Variants in FHIP1A observed in about 807,000 individuals in gnomAD.
FHIP1A encodes the protein FHF complex subunit HOOK-interacting protein 1A.
Under a neutral mutation model 88.6 loss-of-function variants are expected in FHIP1A, and 61 were observed. That is an observed-to-expected ratio of 0.69 (90% CI 0.56 to 0.85). FHIP1A has a LOEUF of 0.85. Among genes scored for constraint, FHIP1A ranks in the 40% least tolerant of loss-of-function variants. The probability of loss-of-function intolerance (pLI) is 0.00; values close to 1 mark genes in which losing one functional copy is unlikely to be tolerated. For synonymous variants in FHIP1A, 478 were observed against 496.0 expected, an observed-to-expected ratio of 0.96 and a Z score of 0.48; for missense variants, 1,154 against 1,273.5, an observed-to-expected ratio of 0.91 and a Z score of 1.43.
chr4:151,532,037 G>T (rs990899967), intron 3 of FHIP1A, among the ~76,000 whole-genome samples: 4 of 152,202 alleles, frequency 2.6e-5, no homozygotes, highest in African/African-American at 9.6e-5. Context: ...ATGTGGATAC[G>T]TGGCATCGCA....
chr4:151,600,090 C>T (rs1379498038), intron 7 of FHIP1A, among the ~76,000 whole-genome samples: 1 of 152,214 alleles, frequency 6.6e-6, no homozygotes, highest in Non-Finnish European at 1.5e-5. Flanking sequence ...TGTATCATCA[C>T]TGCATCTTGA....
chr4:151,647,366 G>A (rs1736838728), intron 10 of FHIP1A, among the ~76,000 whole-genome samples: 3 of 152,200 alleles, frequency 2.0e-5, no homozygotes, highest in African/African-American at 7.2e-5. Context: ...GGGAGCATCT[G>A]TATATCTTTG....
chr4:151,569,023 C>G, intron 4 of FHIP1A, among the ~76,000 whole-genome samples: 1 of 152,042 alleles, frequency 6.6e-6, no homozygotes. Context: ...TAGCTCTTGG[C>G]TGTGAGTTGT....
intron 3 of FHIP1A, among the ~76,000 whole-genome samples, chr4:151,502,157 G>A (rs375661020): frequency 0.012 from 1,386 of 113,004 alleles, 1 homozygote; most frequent in East Asian, 0.015. Flanking sequence ...CTCTACAAAA[G>A]AAAAAAAAAA....
chr4:151,589,804 A>G (rs1215344432), intron 7 of FHIP1A, among the ~76,000 whole-genome samples: 1 of 152,220 alleles, frequency 6.6e-6, no homozygotes, highest in African/African-American at 2.4e-5. Context: ...AGATCTTGAC[A>G]GAAGATGTTC....
intron 3 of FHIP1A, among the ~76,000 whole-genome samples, chr4:151,508,254 C>A (rs1442701734): frequency 6.6e-6 from 1 of 152,176 alleles, no homozygotes. Context: ...TGGAAAACAA[C>A]CCCTTTTGGA....
chr4:151,512,522 C>G (rs1731078103), intron 3 of FHIP1A, among the ~76,000 whole-genome samples: 1 of 152,114 alleles, frequency 6.6e-6, no homozygotes, highest in Non-Finnish European at 1.5e-5. Context: ...GGAGGAAATT[C>G]AAACCAAAGG....
At chr4:151,503,637 C>T (rs1416068562) in intron 3 of FHIP1A, among the ~76,000 whole-genome samples, 4 of 152,150 alleles carry the variant, frequency 2.6e-5, no homozygotes, top group African/African-American at 9.7e-5. Flanking sequence ...AAACCCAACT[C>T]ATTCTCTTTC....
chr4:151,578,110 C>A, intron 5 of FHIP1A, 34 bp downstream of exon 5: 4 of 1,526,040 alleles, frequency 2.6e-6, no homozygotes, highest in Non-Finnish European at 3.5e-6. Context: ...TTTCCACTCA[C>A]TCCCTTTTTT....
chr4:151,529,610 G>A (rs764788259), intron 3 of FHIP1A, among the ~76,000 whole-genome samples: 2 of 152,168 alleles, frequency 1.3e-5, no homozygotes, highest in Non-Finnish European at 2.9e-5. Flanking sequence ...TTTGGTACAG[G>A]AAATCATGTC....
intron 3 of FHIP1A, among the ~76,000 whole-genome samples, chr4:151,552,676 C>G (rs55668815): frequency 0.62 from 93,562 of 151,498 alleles, 31,284 homozygotes; most frequent in African/African-American, 0.9. Context: ...GGCCTGTTGT[C>G]GGGTGGGAGG....
intron 4 of FHIP1A, chr4:151,576,672 G>A (rs746947632): frequency 9.2e-5 from 14 of 152,196 alleles, no homozygotes; most frequent in Non-Finnish European, 1.8e-4. Context: ...AAGAAACACA[G>A]CATTCAAACC....
intron 3 of FHIP1A, among the ~76,000 whole-genome samples, chr4:151,499,520 C>A (rs1001980902): frequency 6.6e-6 from 1 of 152,148 alleles, no homozygotes; most frequent in Non-Finnish European, 1.5e-5. Context: ...AATATGATTT[C>A]GTGAAATAAG....
At chr4:151,537,440 T>C (rs1358078561) in intron 3 of FHIP1A, among the ~76,000 whole-genome samples, 1 of 152,238 alleles carries the variant, frequency 6.6e-6, no homozygotes, top group Non-Finnish European at 1.5e-5. Context: ...TCATGTCTTT[T>C]GCCCCTTTTC....
chr4:151,442,259 A>G (rs1728439240), intron 1 of FHIP1A, among the ~76,000 whole-genome samples: 1 of 152,128 alleles, frequency 6.6e-6, no homozygotes, highest in Non-Finnish European at 1.5e-5. Context: ...GTTACTGTGC[A>G]GTTCCAGACA....
intron 13 of FHIP1A, among the ~76,000 whole-genome samples, chr4:151,659,027 T>C (rs1737356827): frequency 6.6e-6 from 1 of 152,122 alleles, no homozygotes; most frequent in Admixed American, 6.5e-5. Flanking sequence ...TGGGGGTCAC[T>C]CACACCTTAG....
In FHIP1A at chr4:151,543,009, TG is replaced by T. The variant is rs1264994596; in HGVS notation, c.-122-23128del. On this transcript the variant is annotated intron_variant, in intron 3 of 13. Coordinates refer to ENST00000435205, the MANE Select transcript of FHIP1A (RefSeq NM_001109977.3). Reference sequence around the variant, plus strand: ...ACTATTGTTATTATGTTGCCTAAAATGCCCTTCTAATAATTATGTTAGCACT... The same window carrying T: ...ACTATTGTTATTATGTTGCCTAAAATCCCTTCTAATAATTATGTTAGCACT... Among the ~76,000 whole-genome samples, 6 of 152,350 alleles carry T rather than the reference TG, an allele frequency of 3.9e-5. No individual in the cohort carries two copies. In the East Asian group the frequency reaches 1.2e-3, roughly 29 times the overall value.
chr4:151,505,685 A>G (rs1730810398), intron 3 of FHIP1A, among the ~76,000 whole-genome samples: 1 of 152,216 alleles, frequency 6.6e-6, no homozygotes, highest in African/African-American at 2.4e-5. Flanking sequence ...CTTAGTTTTA[A>G]TAAATAACAT....
At chr4:151,473,076 C>G (rs900546284) in intron 2 of FHIP1A, among the ~76,000 whole-genome samples, 3 of 152,026 alleles carry the variant, frequency 2.0e-5, no homozygotes, top group African/African-American at 7.2e-5. Context: ...AATTTTATGT[C>G]TCTGTTTTTT....
Sources: allele counts gnomAD v4.1 joint callset (sites outside exome capture counted in the v4.1 genomes callset), GRCh38; gene constraint gnomAD v4.1.1; transcripts MANE v1.5; gene names NCBI Gene and HGNC (gene_info 2026-07-23, HGNC 2026-07-21).